The following STARD9 variants were observed in gnomAD, a reference collection of about 807,000 sequenced individuals.
STARD9 encodes the protein stAR-related lipid transfer protein 9.
In STARD9, 346 loss-of-function variants were observed where a neutral mutation model predicts 399.8. The ratio of observed to expected loss-of-function variants is 0.87; its 90% CI spans 0.79 to 0.95. STARD9 has a LOEUF of 0.95. STARD9 is among the 40% of genes least tolerant of loss of function. The probability of loss-of-function intolerance (pLI) is 0.00; values close to 1 mark genes in which losing one functional copy is unlikely to be tolerated. For missense variants in STARD9, 5,832 were observed against 5,667.5 expected (o/e 1.03, Z -0.93); for synonymous variants, 2,203 against 2,143.5 (o/e 1.03, Z -0.77).
chr15:42,672,621 G>C (rs2060224015), intron 16 of STARD9: 1 of 152,392 alleles, frequency 6.6e-6, no homozygotes, highest in African/African-American at 2.4e-5. Context: ...AGCAGGAAAG[G>C]CTGGCTCTGG....
At chr15:42,650,880 G>C (rs546401478) in intron 7 of STARD9, 136 bp from the exon 8 acceptor site, 13 of 527,874 alleles carry the variant, frequency 2.5e-5, no homozygotes, top group Non-Finnish European at 4.4e-5. Flanking sequence ...TTTATTATCT[G>C]AATGAATTTG....
In STARD9 at chr15:42,691,863, A is replaced by G. The variant is rs939093002; in HGVS notation, c.10285A>G (p.Thr3429Ala). Reference sequence around the variant, plus strand: ...TTTCACGACCAGCTGGATGTCTGGTACTTTGGAACAAGCCCAACAGGGAAA... The same window carrying G: ...TTTCACGACCAGCTGGATGTCTGGTGCTTTGGAACAAGCCCAACAGGGAAA... ...PDFTTSWMSG[T>A]LEQAQQGKRE... The change falls in exon 23 of 33, where the codon ACT becomes GCT. Residue 3429 changes from threonine (T) to alanine (A), a missense_variant. Coordinates refer to ENST00000290607, the MANE Select transcript of STARD9 (RefSeq NM_020759.3). 2.6e-6 allele frequency: 4 copies of G among 1,537,180 alleles called. No individual in the cohort carries two copies. The South Asian group carries it at 3.6e-5, about 14-fold the overall frequency.
At chr15:42,595,968 T>C (rs1419437735) in intron 3 of STARD9, among the ~76,000 whole-genome samples, 1 of 152,170 alleles carries the variant, frequency 6.6e-6, no homozygotes, top group Non-Finnish European at 1.5e-5. Flanking sequence ...CTTTAAAGAG[T>C]AATTTTCAGA....
chr15:42,596,933 C>T (rs995535888), intron 3 of STARD9, among the ~76,000 whole-genome samples: 1 of 152,168 alleles, frequency 6.6e-6, no homozygotes, highest in Non-Finnish European at 1.5e-5. Flanking sequence ...TAAACGTAAC[C>T]ATTGTTTACA....
chr15:42,693,518 C>T lies in STARD9; in HGVS notation c.11940C>T (p.His3980=). Residue 3980 remains histidine (H), a synonymous_variant, in exon 23 of 33, where the codon CAC becomes CAT. Coordinates refer to ENST00000290607, the MANE Select transcript of STARD9 (RefSeq NM_020759.3). ...RSNGRSFLEL[H]SPHSPQQSPK... is the part of the protein sequence containing the mutation. ...ATGGGAGATCCTTCCTTGAGTTGCACTCCCCACACAGCCCACAGCAGAGTC... is the reference window on the plus strand; with the variant it reads ...ATGGGAGATCCTTCCTTGAGTTGCATTCCCCACACAGCCCACAGCAGAGTC... The T allele has an allele frequency of 2.6e-6, 4 of 1,537,276 alleles. No individual in the cohort carries two copies. The highest frequency in any genetic ancestry group is 2.6e-6 in the Non-Finnish European group (3 of 1,146,918).
chr15:42,651,009 C>T lies in STARD9; in HGVS notation c.560-7C>T. On this transcript the variant is annotated splice_polypyrimidine_tract_variant and splice_region_variant and intron_variant, in intron 7 of 32. Transcript: ENST00000290607. ...AATTTCTTTTTTCCGTTTCACAAAT[C>T]CGATAGGTTTATCTCAACATGTAGT... 2.6e-6 allele frequency: 4 copies of T among 1,509,550 alleles called. No individual in the cohort carries two copies. The highest frequency in any genetic ancestry group is 8.9e-7 in the Non-Finnish European group (1 of 1,129,304). The allele number at this position is 1,509,550 out of a possible 1,614,324, so 93.5% of individuals were successfully genotyped here.
intron 3 of STARD9, among the ~76,000 whole-genome samples, chr15:42,603,110 A>G (rs1209012455): frequency 6.6e-6 from 1 of 152,118 alleles, no homozygotes; most frequent in South Asian, 2.1e-4. Flanking sequence ...GTTGGCTCCA[A>G]TTATTCTGTG....
In STARD9 at chr15:42,687,880, C is replaced by G. The variant is rs1233820532; in HGVS notation, c.6302C>G (p.Pro2101Arg). 5 of 1,537,090 alleles carry G rather than the reference C, an allele frequency of 3.3e-6. No individual in the cohort carries two copies. Residue 2101 changes from proline (P) to arginine (R), a missense_variant, in exon 23 of 33, where the codon CCA (proline) becomes CGA (arginine). Around this residue, in one of 2 missense-constraint regions of STARD9, gnomAD observed 5,828 missense variants for 5,651.1 expected, o/e 1.03. Transcript: ENST00000290607. ...GAGAAGACTGACCATGCCTTTAGGC[C>G]AGACAGCTCTGGAAACCCTTTGCCC... ...EQEKTDHAFR[P>R]DSSGNPLPSK...
rs113189659 is a variant in STARD9, at chr15:42,693,487, G to A, written c.11909G>A (p.Arg3970Lys). The A allele has an allele frequency of 1.3e-4, 201 of 1,537,248 alleles. 2 individuals carry two copies. The African/African-American group carries it at 2.2e-3, about 17-fold the overall frequency. The change falls in exon 23 of 33, where the codon AGG becomes AAG. Residue 3970 changes from arginine (R) to lysine (K), a missense_variant. Arg to Lys is a conservative substitution (Grantham distance 26). Transcript: ENST00000290607. ...GSQRGRSSLQ[R>K]SNGRSFLELH... is the part of the protein sequence containing the mutation. The stretch of plus-strand genomic sequence containing the variant: ...CAGAGAGGTAGAAGTTCCTTACAAA[G>A]GAGTAATGGGAGATCCTTCCTTGAG...
At chr15:42,643,278 C>T (rs2059576413) in intron 7 of STARD9, among the ~76,000 whole-genome samples, 1 of 151,880 alleles carries the variant, frequency 6.6e-6, no homozygotes, top group Middle Eastern at 3.2e-3. Context: ...CTCACTGCAA[C>T]CTCTGCCTTC....
chr15:42,677,969 C>A (rs1566927383), intron 20 of STARD9, among the ~76,000 whole-genome samples: 1 of 152,220 alleles, frequency 6.6e-6, no homozygotes, highest in Non-Finnish European at 1.5e-5. Context: ...CAGGCACTGA[C>A]ATGAGCTTTC....
At chr15:42,712,440 T>C (rs551060551) in intron 26 of STARD9, among the ~76,000 whole-genome samples, 28 of 152,152 alleles carry the variant, frequency 1.8e-4, no homozygotes, top group African/African-American at 6.7e-4. Context: ...AAGAGTTTTA[T>C]GCTTTTAGCT....
chr15:42,710,150 C>T (rs1020594421), intron 26 of STARD9, among the ~76,000 whole-genome samples: 1 of 150,628 alleles, frequency 6.6e-6, no homozygotes, highest in African/African-American at 2.5e-5. Flanking sequence ...GCCTCGACCT[C>T]CCTGGGCGCC....
In STARD9 at chr15:42,688,146, T is replaced by G; in HGVS notation, c.6568T>G (p.Cys2190Gly). 6.5e-7 allele frequency: 1 copy of G among 1,537,360 alleles called. No individual in the cohort carries two copies. Among genetic ancestry groups the G allele is most frequent in the South Asian group, 1.2e-5 (1 of 84,052 alleles). Reference protein sequence around the residue: ...ICDSLGKHTTCREFTNTSLHP... With the variant: ...ICDSLGKHTTGREFTNTSLHP... ...TGATTCTTTAGGGAAACACACAACT[T>G]GCAGAGAGTTCACCAACACTTCTCT... Residue 2190 changes from cysteine to glycine, a missense_variant, in exon 23 of 33, where the codon TGC becomes GGC. This residue lies in a region of STARD9 where 5,828 missense variants were observed against 5,651.1 expected (regional missense o/e 1.03). Transcript: ENST00000290607.
At position 42,689,486 on chromosome 15, in the gene STARD9, A is replaced by G; in HGVS notation, c.7908A>G (p.Lys2636=). 1 of 1,537,308 alleles carries G rather than the reference A, an allele frequency of 6.5e-7. No homozygotes were observed. The highest frequency in any genetic ancestry group is 8.7e-7 in the Non-Finnish European group (1 of 1,146,920). The change falls in exon 23 of 33, where the codon AAA becomes AAG. Residue 2636 remains lysine, a synonymous_variant. Transcript: ENST00000290607. ...TAGATCTGTTACCTGATGAGAGGAAAGTCCAGGCCACATCTCTGTCTGCAG... is the reference window on the plus strand; with the variant it reads ...TAGATCTGTTACCTGATGAGAGGAAGGTCCAGGCCACATCTCTGTCTGCAG... ...GQIDLLPDER[K]VQATSLSADS...
chr15:42,714,149 G>A (rs971871200), intron 26 of STARD9, among the ~76,000 whole-genome samples: 2 of 144,124 alleles, frequency 1.4e-5, no homozygotes, highest in African/African-American at 2.6e-5. Flanking sequence ...TGCAAGCTCC[G>A]CTTCCTGGGT....
intron 3 of STARD9, among the ~76,000 whole-genome samples, chr15:42,630,951 T>C (rs2059321193): frequency 6.6e-6 from 1 of 151,962 alleles, no homozygotes; most frequent in African/African-American, 2.4e-5. Flanking sequence ...TCTGCTCATT[T>C]TGTGTTTGAT....
In STARD9 at chr15:42,689,845, C is replaced by G; in HGVS notation, c.8267C>G (p.Thr2756Ser). Residue 2756 changes from threonine to serine, a missense_variant, in exon 23 of 33, where the codon ACT becomes AGT. Around this residue, in one of 2 missense-constraint regions of STARD9, gnomAD observed 5,828 missense variants for 5,651.1 expected, o/e 1.03. Transcript: ENST00000290607. ...SQAPYDDPRV[T>S]LHELSQSVPQ... Reference sequence around the variant, plus strand: ...GCCCCTTATGATGATCCTAGAGTGACTCTGCATGAGCTAAGTCAGTCAGTT... The same window carrying G: ...GCCCCTTATGATGATCCTAGAGTGAGTCTGCATGAGCTAAGTCAGTCAGTT... The G allele has an allele frequency of 6.5e-7, 1 of 1,537,382 alleles. No homozygotes were observed. The highest frequency in any genetic ancestry group is 8.7e-7 in the Non-Finnish European group (1 of 1,146,954).
At position 42,690,292 on chromosome 15, in the gene STARD9, C is replaced by T. The variant is rs1317125656; in HGVS notation, c.8714C>T (p.Pro2905Leu). The change falls in exon 23 of 33, where the codon CCA becomes CTA. Residue 2905 changes from proline to leucine, a missense_variant. Physicochemically the swap from Pro to Leu is moderately conservative, Grantham distance 98 (BLOSUM62 -3). Coordinates refer to ENST00000290607, the MANE Select transcript of STARD9 (RefSeq NM_020759.3). ...CCAATTCCACTGCCAGATCAAAGAC[C>T]AAGCGCAAATCCTGGGGGAATTGGG... The part of the protein sequence containing the change: ...SRPIPLPDQR[P>L]SANPGGIGEE... The T allele has an allele frequency of 1.3e-6, 2 of 1,537,286 alleles. No individual in the cohort carries two copies. Among genetic ancestry groups the T allele is most frequent in the Admixed American group, 2.0e-5 (1 of 50,994 alleles).
Sources: allele counts gnomAD v4.1 joint callset (sites outside exome capture counted in the v4.1 genomes callset), GRCh38; gene constraint gnomAD v4.1.1; regional missense constraint gnomAD v4.1.1; transcripts MANE v1.5; gene names NCBI Gene and HGNC (gene_info 2026-07-23, HGNC 2026-07-21).